SHC3: variants seen among roughly 807,000 people sequenced by gnomAD.
SHC3 encodes SHC-transforming protein 3.
Under a neutral mutation model 60.4 loss-of-function variants are expected in SHC3, and 15 were observed. The ratio of observed to expected loss-of-function variants is 0.25; its 90% CI spans 0.17 to 0.38. The LOEUF is 0.38. SHC3 is among the 10% of genes least tolerant of loss of function. The probability of loss-of-function intolerance (pLI) is 1.00; values close to 1 mark genes in which losing one functional copy is unlikely to be tolerated. For synonymous variants in SHC3, 294 were observed against 325.9 expected, an observed-to-expected ratio of 0.90 and a Z score of 1.05; for missense variants, 677 against 786.1, an observed-to-expected ratio of 0.86 and a Z score of 1.66.
intron 1 of SHC3, among the ~76,000 whole-genome samples, chr9:89,142,816 G>T (rs1382000880): frequency 2.0e-5 from 3 of 152,072 alleles, no homozygotes; most frequent in Non-Finnish European, 4.4e-5. Context: ...CAGCCAATTG[G>T]TGTGTGTACA....
intron 2 of SHC3, among the ~76,000 whole-genome samples, chr9:89,081,995 G>A (rs549404043): frequency 6.6e-5 from 10 of 151,938 alleles, no homozygotes; most frequent in Middle Eastern, 6.8e-3. Flanking sequence ...GAGCCCTTTG[G>A]CCAGGCTGGT....
intron 7 of SHC3, among the ~76,000 whole-genome samples, chr9:89,048,842 G>A (rs1275553650): frequency 2.0e-5 from 3 of 152,106 alleles, no homozygotes; most frequent in African/African-American, 7.2e-5. Flanking sequence ...GGAGATCCCC[G>A]TCACCCCGCT....
chr9:89,176,252 C>A (rs977561661), intron 1 of SHC3, among the ~76,000 whole-genome samples: 2 of 152,186 alleles, frequency 1.3e-5, no homozygotes, highest in Admixed American at 6.5e-5. Flanking sequence ...AAGTCACAAA[C>A]CTTACAGCAA....
intron 2 of SHC3, among the ~76,000 whole-genome samples, chr9:89,103,166 A>C (rs7852173): frequency 0.036 from 5,431 of 152,296 alleles, 294 homozygotes; most frequent in African/African-American, 0.12. Flanking sequence ...AACGATGTTT[A>C]ATAGGGAGTC....
At chr9:89,066,026 T>C (rs1163033190) in intron 5 of SHC3, among the ~76,000 whole-genome samples, 1 of 152,162 alleles carries the variant, frequency 6.6e-6, no homozygotes, top group African/African-American at 2.4e-5. Context: ...TGCATTCGTT[T>C]TTAGATGCTC....
At chr9:89,059,374 G>A (rs555874156) in intron 6 of SHC3, among the ~76,000 whole-genome samples, 1 of 147,580 alleles carries the variant, frequency 6.8e-6, no homozygotes, top group African/African-American at 2.6e-5. Context: ...AGGATGCGGT[G>A]GAGGACGTAG....
chr9:89,054,433 T>C (rs938594703), intron 6 of SHC3, among the ~76,000 whole-genome samples: 2 of 152,216 alleles, frequency 1.3e-5, no homozygotes, highest in African/African-American at 4.8e-5. Flanking sequence ...GGCCTCTACA[T>C]GTTCCAGAAA....
intron 1 of SHC3, among the ~76,000 whole-genome samples, chr9:89,158,934 C>G (rs1343149290): frequency 6.6e-6 from 1 of 152,146 alleles, no homozygotes; most frequent in Non-Finnish European, 1.5e-5. Flanking sequence ...CCGGCTTTCT[C>G]AATTACAAGC....
intron 2 of SHC3, among the ~76,000 whole-genome samples, chr9:89,088,111 C>G (rs1318015605): frequency 6.6e-6 from 1 of 152,058 alleles, no homozygotes; most frequent in Admixed American, 6.6e-5. Context: ...GTTAAGAGAC[C>G]TTTACTATCC....
intron 1 of SHC3, among the ~76,000 whole-genome samples, chr9:89,139,260 A>G (rs1048271187): frequency 6.6e-6 from 1 of 152,052 alleles, no homozygotes; most frequent in African/African-American, 2.4e-5. Context: ...TGAAGAAAAA[A>G]CTCAAAAACA....
chr9:89,095,571 A>T (rs1825689662), intron 2 of SHC3, among the ~76,000 whole-genome samples: 1 of 152,192 alleles, frequency 6.6e-6, no homozygotes, highest in Admixed American at 6.5e-5. Context: ...TCCTAATGCC[A>T]CTGTGAAAAA....
At chr9:89,100,223 T>C (rs531757591) in intron 2 of SHC3, among the ~76,000 whole-genome samples, 240 of 152,306 alleles carry the variant, frequency 1.6e-3, no homozygotes, top group Middle Eastern at 6.8e-3. Context: ...CTGAAATCGC[T>C]GTGGGCCAGG....
chr9:89,174,722 C>T (rs1177392593), intron 1 of SHC3, among the ~76,000 whole-genome samples: 1 of 152,242 alleles, frequency 6.6e-6, no homozygotes, highest in African/African-American at 2.4e-5. Flanking sequence ...AAACCCGGTG[C>T]AGCCCACACA....
chr9:89,140,155 T>C (rs978379547), intron 1 of SHC3, among the ~76,000 whole-genome samples: 1 of 152,212 alleles, frequency 6.6e-6, no homozygotes, highest in African/African-American at 2.4e-5. Context: ...TGAAAGCTTC[T>C]TTTTTATATC....
chr9:89,013,272 A>G lies in SHC3; in HGVS notation c.*175T>C, dbSNP rs957170987. 1 of 603,928 alleles carries G rather than the reference A, an allele frequency of 1.7e-6. No homozygotes were observed. Among genetic ancestry groups the G allele is most frequent in the African/African-American group, 1.9e-5 (1 of 53,066 alleles). 37.4% of individuals were successfully genotyped at this position (603,928 alleles called of 1,614,324 possible). ...AGGTATGTACACCTTTAATATGCAT[A>G]TGAGAAATTCAGAACCAAGTTTATG... On this transcript the variant is annotated 3_prime_UTR_variant, in exon 12 of 12. Coordinates refer to ENST00000375835, the MANE Select transcript of SHC3 (RefSeq NM_016848.6).
intron 3 of SHC3, among the ~76,000 whole-genome samples, chr9:89,076,608 A>T (rs1825362151): frequency 6.6e-6 from 1 of 152,048 alleles, no homozygotes. Context: ...TCAGGATGAA[A>T]AGTCCTAGTG....
At chr9:89,127,515 C>T (rs1448165498) in intron 1 of SHC3, among the ~76,000 whole-genome samples, 1 of 152,100 alleles carries the variant, frequency 6.6e-6, no homozygotes, top group East Asian at 1.9e-4. Flanking sequence ...CCTCATGAAA[C>T]CCCAGGAATT....
At chr9:89,127,152 C>T (rs1042110245) in intron 1 of SHC3, among the ~76,000 whole-genome samples, 13 of 152,172 alleles carry the variant, frequency 8.5e-5, no homozygotes, top group Non-Finnish European at 1.6e-4. Context: ...GTTCAGGGTT[C>T]AATTCCTGGC....
chr9:89,076,325 GA>G (rs1383487141), intron 3 of SHC3, among the ~76,000 whole-genome samples: 2 of 152,184 alleles, frequency 1.3e-5, no homozygotes, highest in Non-Finnish European at 1.5e-5. Context: ...GTGGGTGCGT[GA>G]AAGTCCCCAA....
Sources: gnomAD v4.1 joint callset for allele counts (sites outside exome capture counted in the v4.1 genomes callset) on GRCh38, gnomAD v4.1.1 for gene constraint, MANE v1.5 for transcripts, NCBI Gene and HGNC (gene_info 2026-07-23, HGNC 2026-07-21) for gene names.